The following CTNNA2 variants were observed in gnomAD, a reference collection of about 807,000 sequenced individuals.
The protein encoded by CTNNA2 is catenin alpha-2.
Under a neutral mutation model 101.0 loss-of-function variants are expected in CTNNA2, and 42 were observed. The ratio of observed to expected loss-of-function variants is 0.42; its 90% CI spans 0.32 to 0.54. The LOEUF (loss-of-function observed/expected upper bound fraction) is 0.54. Ranked by LOEUF, CTNNA2 falls within the 20% of genes least tolerant of loss-of-function variation. CTNNA2 has a pLI of 0.14. For synonymous variants in CTNNA2, 450 were observed against 456.4 expected (o/e 0.99, Z 0.18); for missense variants, 871 against 1,223.1 (o/e 0.71, Z 4.29).
intron 2 of CTNNA2, among the ~76,000 whole-genome samples, chr2:79,211,151 T>C (rs1323047493): frequency 6.6e-6 from 1 of 152,148 alleles, no homozygotes; most frequent in Non-Finnish European, 1.5e-5. Flanking sequence ...TGATTTTAAG[T>C]GGATGTTTGT....
At chr2:80,319,492 T>C (rs1037938117) in intron 7 of CTNNA2, among the ~76,000 whole-genome samples, 4 of 152,210 alleles carry the variant, frequency 2.6e-5, no homozygotes, top group Non-Finnish European at 4.4e-5. Context: ...TAGAAATCTT[T>C]CTGAGATCCA....
At chr2:79,690,730 G>A (rs1684237484) in intron 2 of CTNNA2, among the ~76,000 whole-genome samples, 1 of 151,932 alleles carries the variant, frequency 6.6e-6, no homozygotes, top group Non-Finnish European at 1.5e-5. Flanking sequence ...GGTGGAGCGA[G>A]GATTTACACC....
intron 3 of CTNNA2, among the ~76,000 whole-genome samples, chr2:79,318,957 A>G (rs1018071973): frequency 2.0e-5 from 3 of 152,210 alleles, no homozygotes; most frequent in African/African-American, 7.2e-5. Context: ...ACTACTACTG[A>G]AATACAGAGC....
intron 2 of CTNNA2, among the ~76,000 whole-genome samples, chr2:79,685,831 A>G (rs1683894760): frequency 6.6e-6 from 1 of 152,166 alleles, no homozygotes; most frequent in South Asian, 2.1e-4. Flanking sequence ...AGTAAGAAAG[A>G]CTGTTCTATC....
chr2:79,867,471 A>G (rs967162033), intron 4 of CTNNA2, among the ~76,000 whole-genome samples: 1 of 151,894 alleles, frequency 6.6e-6, no homozygotes, highest in Non-Finnish European at 1.5e-5. Context: ...CTTTAGTTCC[A>G]TTTCCTTTAT....
chr2:79,448,796 C>G (rs181232431), intron 4 of CTNNA2, among the ~76,000 whole-genome samples: 19 of 152,116 alleles, frequency 1.2e-4, no homozygotes, highest in African/African-American at 4.6e-4. Context: ...AGAGTTAATA[C>G]CAAAATGGTT....
At chr2:79,623,738 AT>A (rs1679134898) in intron 1 of CTNNA2, among the ~76,000 whole-genome samples, 1 of 152,154 alleles carries the variant, frequency 6.6e-6, no homozygotes, top group Non-Finnish European at 1.5e-5. Context: ...TATAAATATT[AT>A]TTTTAGGTGA....
chr2:79,444,590 C>T (rs1678811861), intron 4 of CTNNA2, among the ~76,000 whole-genome samples: 1 of 152,070 alleles, frequency 6.6e-6, no homozygotes, highest in South Asian at 2.1e-4. Flanking sequence ...TGCCTCTCCA[C>T]CCTATCCCCT....
chr2:79,495,765 A>C (rs1164089989), intron 4 of CTNNA2, among the ~76,000 whole-genome samples: 1 of 152,240 alleles, frequency 6.6e-6, no homozygotes, highest in East Asian at 1.9e-4. Flanking sequence ...AATATTATTT[A>C]GTAATTTTTT....
chr2:79,883,559 T>A (rs1232757941), intron 6 of CTNNA2, among the ~76,000 whole-genome samples: 2 of 152,164 alleles, frequency 1.3e-5, no homozygotes, highest in African/African-American at 2.4e-5. Context: ...AGTAAAACTA[T>A]CTACAAAGGA....
At chr2:80,640,492 G>A (rs979148800) in intron 18 of CTNNA2, among the ~76,000 whole-genome samples, 1 of 152,182 alleles carries the variant, frequency 6.6e-6, no homozygotes, top group Non-Finnish European at 1.5e-5. Flanking sequence ...GATGTGATTA[G>A]GCTGAACCTT....
At chr2:79,277,904 C>T (rs970672809) in intron 2 of CTNNA2, among the ~76,000 whole-genome samples, 1 of 152,062 alleles carries the variant, frequency 6.6e-6, no homozygotes, top group East Asian at 1.9e-4. Context: ...CTCCAAAGCC[C>T]TCTAGAGGTT....
Position 79,338,580 on chromosome 2 carries a change from C to CTTT in CTNNA2, c.-318+25786_-318+25787insTTT, listed in dbSNP as rs775816717. On this transcript the variant is annotated intron_variant, in intron 3 of 21. Coordinates refer to the CTNNA2 transcript ENST00000466387. ...TCTTCTTCTTCTTCCTCCTCATCAT[C>CTTT]TTCTTCTTCTTCTTCTTCTTCTTCT... Among the ~76,000 whole-genome samples the CTTT allele has an allele frequency of 2.8e-3, 309 of 110,262 alleles. 1 individual carries two copies. The highest frequency in any genetic ancestry group is 7.2e-3 in the East Asian group (23 of 3,180). 72.3% of individuals were successfully genotyped at this position (110,262 alleles called of 152,430 possible).
chr2:80,558,077 A>C (rs79262833), intron 12 of CTNNA2, among the ~76,000 whole-genome samples: 2,448 of 152,278 alleles, frequency 0.016, 57 homozygotes, highest in African/African-American at 0.056. Context: ...GGATTTATTG[A>C]AGTTAACTAG....
chr2:80,513,762 G>A (rs1688895097), intron 9 of CTNNA2, among the ~76,000 whole-genome samples: 1 of 152,138 alleles, frequency 6.6e-6, no homozygotes, highest in Admixed American at 6.5e-5. Flanking sequence ...CTGCAAGAGA[G>A]GAGAAAATGC....
chr2:80,495,295 G>A (rs1266937010), intron 9 of CTNNA2, among the ~76,000 whole-genome samples: 1 of 152,116 alleles, frequency 6.6e-6, no homozygotes, highest in Non-Finnish European at 1.5e-5. Context: ...GGTTTCCTGT[G>A]TTTCTCACTG....
At chr2:80,568,566 CGTGTGTGTGTGT>C (rs36104924) in intron 12 of CTNNA2, among the ~76,000 whole-genome samples, 7 of 149,308 alleles carry the variant, frequency 4.7e-5, no homozygotes, top group Admixed American at 3.4e-4. Context: ...TAATGGTGTG[CGTGTGTGTGTGT>C]GTGTGTGTGT....
intron 3 of CTNNA2, among the ~76,000 whole-genome samples, chr2:79,835,676 T>G (rs1050215730): frequency 4.4e-4 from 25 of 56,358 alleles, no homozygotes; most frequent in Admixed American, 1.3e-3. Context: ...GTTTTTTTTT[T>G]TTTTTTTTTT....
chr2:79,588,307 C>A (rs1370130246), intron 1 of CTNNA2, among the ~76,000 whole-genome samples: 1 of 152,176 alleles, frequency 6.6e-6, no homozygotes, highest in Non-Finnish European at 1.5e-5. Context: ...GACAGTATTT[C>A]ACTTGGACGG....
Sources: allele counts gnomAD v4.1 joint callset (sites outside exome capture counted in the v4.1 genomes callset), GRCh38; gene constraint gnomAD v4.1.1; transcripts MANE v1.5; gene names NCBI Gene and HGNC (gene_info 2026-07-23, HGNC 2026-07-21).